Variants in PUDP observed in about 807,000 individuals in gnomAD.
The protein encoded by PUDP is pseudouridine 5'-phosphatase, also known as pseudouridine-5'-phosphatase.
In PUDP, 8 loss-of-function variants were observed where a neutral mutation model predicts 9.4. The ratio of observed to expected loss-of-function variants is 0.85; its 90% CI spans 0.50 to 1.53. PUDP has a LOEUF of 1.53. PUDP is among the 40% of genes most tolerant of loss of function. PUDP has a pLI of 0.00. For missense variants in PUDP, 188 were observed against 189.7 expected (o/e 0.99, Z 0.05); for synonymous variants, 99 against 80.7 (o/e 1.23, Z -1.22).
intron 1 of PUDP, among the ~76,000 whole-genome samples, chrX:7,006,729 C>A (rs758124634): frequency 1.8e-5 from 2 of 110,990 alleles, no homozygotes; most frequent in East Asian, 5.7e-4. Context: ...CACAAAGGGT[C>A]CAGGAGCAAG....
Position 7,050,257 on chromosome X carries a change from T to G in PUDP, c.*39A>C. On this transcript the variant is annotated 3_prime_UTR_variant, in exon 4 of 4. Coordinates refer to ENST00000381077, the MANE Select transcript of PUDP (RefSeq NM_012080.5). The stretch of plus-strand genomic sequence containing the variant: ...CCCTTTCCCCCAGCAGTGTGGACCA[T>G]GAGAGTGGGCTGGGGGCGGAAGACT... 2.6e-6 allele frequency: 3 copies of G among 1,172,898 alleles called. No homozygotes were observed. The highest frequency in any genetic ancestry group is 3.5e-6 in the Non-Finnish European group (3 of 864,311).
chrX:7,115,666 C>A (rs986544569), intron 1 of PUDP, among the ~76,000 whole-genome samples: 10 of 112,309 alleles, frequency 8.9e-5, no homozygotes, highest in African/African-American at 2.9e-4. Flanking sequence ...ACTTAGTAAT[C>A]CCTAGAACCC....
At chrX:7,147,222 G>C (rs1164166341) in intron 1 of PUDP, among the ~76,000 whole-genome samples, 1 of 110,688 alleles carries the variant, frequency 9.0e-6, no homozygotes, top group East Asian at 2.8e-4. Flanking sequence ...TGCAGATTCT[G>C]ATTGGGCAGG....
chrX:7,142,040 G>A (rs1932800633), intron 1 of PUDP, among the ~76,000 whole-genome samples: 1 of 112,195 alleles, frequency 8.9e-6, no homozygotes, highest in African/African-American at 3.2e-5. Context: ...AGCTCTGATG[G>A]AGATGTACAA....
At chrX:6,993,469 A>G in intron 1 of PUDP, among the ~76,000 whole-genome samples, 1 of 111,936 alleles carries the variant, frequency 8.9e-6, no homozygotes, top group Admixed American at 9.4e-5. Flanking sequence ...GTTTGTGAAA[A>G]TATAGGAGAG....
chrX:6,860,962 A>C (rs922827041), intron 3 of PUDP, among the ~76,000 whole-genome samples: 2 of 112,545 alleles, frequency 1.8e-5, no homozygotes, highest in African/African-American at 6.4e-5. Context: ...AAATAATCAC[A>C]ACCACAGGTA....
chrX:7,093,219 C>A, intron 2 of PUDP, among the ~76,000 whole-genome samples: 1 of 111,296 alleles, frequency 9.0e-6, no homozygotes, highest in Non-Finnish European at 1.9e-5. Flanking sequence ...ATGGATTTGA[C>A]AACTCTAGGG....
At chrX:6,867,521 G>T (rs868559357) in intron 3 of PUDP, among the ~76,000 whole-genome samples, 1 of 110,354 alleles carries the variant, frequency 9.1e-6, no homozygotes, top group South Asian at 3.9e-4. Flanking sequence ...ATGGTTTGGT[G>T]TTGGTGATGG....
intron 3 of PUDP, among the ~76,000 whole-genome samples, chrX:7,053,421 C>A (rs925458735): frequency 5.4e-5 from 6 of 111,622 alleles, no homozygotes; most frequent in Non-Finnish European, 1.1e-4. Flanking sequence ...AGAATCCCCA[C>A]GTGTTGTGGG....
At chrX:6,941,886 T>G (rs1185739903) in intron 3 of PUDP, among the ~76,000 whole-genome samples, 1 of 112,036 alleles carries the variant, frequency 8.9e-6, no homozygotes, top group East Asian at 2.8e-4. Context: ...TAGAAAGAAA[T>G]AATCTTTTTT....
chrX:6,753,203 T>C (rs185083342), intron 3 of PUDP, among the ~76,000 whole-genome samples: 327 of 111,961 alleles, frequency 2.9e-3, no homozygotes, highest in Middle Eastern at 9.2e-3. Context: ...TGACTCCCAC[T>C]TATGAGTGAG....
At chrX:6,906,339 C>G (rs1927766623) in intron 3 of PUDP, among the ~76,000 whole-genome samples, 1 of 111,997 alleles carries the variant, frequency 8.9e-6, no homozygotes, top group Non-Finnish European at 1.9e-5. Flanking sequence ...ACTCTAGGGA[C>G]AGTGAGTTGC....
intron 3 of PUDP, among the ~76,000 whole-genome samples, chrX:6,863,940 CT>C (rs1266371732): frequency 9.0e-6 from 1 of 111,549 alleles, no homozygotes; most frequent in East Asian, 2.8e-4. Context: ...GTAGGTCCTA[CT>C]AACTTTTGTC....
chrX:7,007,989 A>G (rs1929425127), intron 1 of PUDP, among the ~76,000 whole-genome samples: 1 of 109,577 alleles, frequency 9.1e-6, no homozygotes, highest in African/African-American at 3.3e-5. Context: ...TTTGAGATGG[A>G]GTCTTGCTCT....
intron 3 of PUDP, among the ~76,000 whole-genome samples, chrX:6,752,844 C>A (rs1353919751): frequency 9.0e-6 from 1 of 111,345 alleles, no homozygotes; most frequent in Non-Finnish European, 1.9e-5. Flanking sequence ...AATACAGGAG[C>A]CACGCATTTT....
At chrX:6,957,515 T>C (rs750081913) in intron 3 of PUDP, among the ~76,000 whole-genome samples, 4 of 112,055 alleles carry the variant, frequency 3.6e-5, no homozygotes, top group African/African-American at 9.7e-5. Flanking sequence ...AGTCTTGAAC[T>C]TCCCAGCCTC....
intron 3 of PUDP, among the ~76,000 whole-genome samples, chrX:6,933,576 G>A (rs768915100): frequency 3.4e-4 from 38 of 111,633 alleles, no homozygotes; most frequent in African/African-American, 1.0e-3. Context: ...AAAGCAGAGC[G>A]CCTCTCCTCC....
intron 3 of PUDP, among the ~76,000 whole-genome samples, chrX:6,882,946 A>C (rs1337814787): frequency 9.0e-6 from 1 of 111,648 alleles, no homozygotes; most frequent in East Asian, 2.8e-4. Flanking sequence ...TCCTGTGGAC[A>C]GAGGGTGTTG....
At chrX:6,881,092 TCAG>T (rs1316041915) in intron 3 of PUDP, among the ~76,000 whole-genome samples, 1 of 112,503 alleles carries the variant, frequency 8.9e-6, no homozygotes, top group Admixed American at 9.5e-5. Flanking sequence ...TGGGCTTTTC[TCAG>T]TAGTCATAGA....
Sources: allele counts gnomAD v4.1 joint callset (sites outside exome capture counted in the v4.1 genomes callset), GRCh38; gene constraint gnomAD v4.1.1; transcripts MANE v1.5; gene names NCBI Gene and HGNC (gene_info 2026-07-23, HGNC 2026-07-21).